The following MYLK4 variants were observed in gnomAD, a reference collection of about 807,000 sequenced individuals.
The protein encoded by MYLK4 is myosin light chain kinase family member 4.
In MYLK4, 46 loss-of-function variants were observed where a neutral mutation model predicts 48.1. The ratio of observed to expected loss-of-function variants is 0.96; its 90% confidence interval spans 0.75 to 1.22. The LOEUF (loss-of-function observed/expected upper bound fraction) is 1.22. Ranked by LOEUF, MYLK4 falls within the 50% of genes most tolerant of loss-of-function variation. The pLI is 0.00. For missense variants in MYLK4, 451 were observed against 486.1 expected, an observed-to-expected ratio of 0.93 and a Z score of 0.68; for synonymous variants, 170 against 180.8, an observed-to-expected ratio of 0.94 and a Z score of 0.48.
At position 2,706,571 on chromosome 6, in the gene MYLK4, G is replaced by A. The variant is rs562261389; in HGVS notation, c.160-13712C>T. ...TAGATATAATAATGGACAAGATTAT[G>A]AAAACTGTATTAGCACCTGTGGTAT... On this transcript the variant is annotated intron_variant, in intron 2 of 12. Coordinates refer to ENST00000274643, the MANE Select transcript of MYLK4 (RefSeq NM_001012418.5). Among the ~76,000 whole-genome samples, 6 of 152,256 alleles carry A rather than the reference G, an allele frequency of 3.9e-5. 1 individual carries two copies. The South Asian group carries it at 1.2e-3, about 32-fold the overall frequency.
intron 2 of MYLK4, among the ~76,000 whole-genome samples, chr6:2,737,434 G>T (rs910074614): frequency 1.3e-5 from 2 of 152,170 alleles, no homozygotes; most frequent in Admixed American, 1.3e-4. Context: ...ATTCTTGCTG[G>T]ACTGGATGAA....
In MYLK4 at chr6:2,685,626, G is replaced by T; in HGVS notation, c.342-50C>A. 2 of 1,548,214 alleles carry T rather than the reference G, an allele frequency of 1.3e-6. No homozygotes were observed. The highest frequency in any genetic ancestry group is 1.1e-5 in the South Asian group (1 of 89,320). ...GCATGAGGCCCTGTGGTCAGCTGCC[G>T]AGTGGACAGCGCACAGTGGCCCCAG... On this transcript the variant is annotated intron_variant, in intron 4 of 12. Coordinates refer to ENST00000274643, the MANE Select transcript of MYLK4 (RefSeq NM_001012418.5). This position sits in a 1 kb window ranked among gnomAD's most constrained non-coding sequence, Gnocchi z 4.5.
intron 10 of MYLK4, among the ~76,000 whole-genome samples, chr6:2,677,478 C>G (rs923578256): frequency 4.2e-4 from 64 of 152,214 alleles, no homozygotes; most frequent in African/African-American, 1.5e-3. Flanking sequence ...TTATACGGCT[C>G]AGGTATAAAG....
intron 2 of MYLK4, among the ~76,000 whole-genome samples, chr6:2,737,016 C>A (rs1174478594): frequency 6.6e-6 from 1 of 152,236 alleles, no homozygotes; most frequent in Non-Finnish European, 1.5e-5. Flanking sequence ...TTCTACGAAG[C>A]CTATGTTGCT....
intron 2 of MYLK4, among the ~76,000 whole-genome samples, chr6:2,708,551 CT>C (rs1762570590): frequency 6.6e-6 from 1 of 152,324 alleles, no homozygotes; most frequent in Admixed American, 6.5e-5. Flanking sequence ...AACTGTTAGT[CT>C]CAGGCAGCCC....
intron 1 of MYLK4, among the ~76,000 whole-genome samples, chr6:2,750,492 C>G (rs1764257868): frequency 6.6e-6 from 1 of 152,158 alleles, no homozygotes; most frequent in Admixed American, 6.5e-5. Flanking sequence ...AAATGCATGG[C>G]TATTTCTAAG....
intron 2 of MYLK4, among the ~76,000 whole-genome samples, chr6:2,709,583 C>T (rs947624585): frequency 1.3e-5 from 2 of 152,228 alleles, no homozygotes; most frequent in African/African-American, 4.8e-5. Flanking sequence ...CACATGGCAA[C>T]CCAGAGAAAC....
At chr6:2,736,721 A>G (rs1291516943) in intron 2 of MYLK4, among the ~76,000 whole-genome samples, 1 of 152,220 alleles carries the variant, frequency 6.6e-6, no homozygotes, top group Non-Finnish European at 1.5e-5. Context: ...TCTCAGGGGA[A>G]AAGGACAGAA....
the MYLK4 span, among the ~76,000 whole-genome samples, chr6:2,764,981 A>G: frequency 2.6e-5 from 4 of 151,656 alleles, no homozygotes; most frequent in Non-Finnish European, 5.9e-5. Context: ...GTTACAAACG[A>G]CCCGCTGCGG....
the MYLK4 span, among the ~76,000 whole-genome samples, chr6:2,765,237 T>G: frequency 8.3e-6 from 1 of 119,938 alleles, no homozygotes; most frequent in African/African-American, 3.2e-5. Context: ...GAGTCGGAAA[T>G]GGACGCACGG....
At chr6:2,731,581 T>A (rs1002234272) in intron 2 of MYLK4, among the ~76,000 whole-genome samples, 2 of 152,012 alleles carry the variant, frequency 1.3e-5, no homozygotes, top group Non-Finnish European at 2.9e-5. Flanking sequence ...TAGATAAAAT[T>A]CCCCTGCTCT....
chr6:2,663,781 CTTTT>C lies in MYLK4; in HGVS notation c.*4140_*4143del, dbSNP rs1760537003. The C allele has an allele frequency of 6.6e-6, 1 of 152,494 alleles. No homozygotes were observed. Among genetic ancestry groups the C allele is most frequent in the Non-Finnish European group, 1.5e-5 (1 of 68,020 alleles). The allele number at this position is 152,494 out of a possible 1,614,324, so 9.4% of individuals were successfully genotyped here. A position where few individuals can be genotyped will look rare whatever the true frequency, so the allele number is the denominator to read the frequency against. On this transcript the variant is annotated 3_prime_UTR_variant, in exon 13 of 13. Coordinates refer to ENST00000274643, the MANE Select transcript of MYLK4 (RefSeq NM_001012418.5). ...AGACACAATCACCACGTTATGAATC[CTTTT>C]TTTAATTTCTTATCAACACCAATAA...
intron 2 of MYLK4, among the ~76,000 whole-genome samples, chr6:2,738,563 G>C (rs967685663): frequency 6.6e-6 from 1 of 152,204 alleles, no homozygotes; most frequent in Non-Finnish European, 1.5e-5. Flanking sequence ...AGTAACTTTT[G>C]CAGCTTTTCC....
intron 2 of MYLK4, among the ~76,000 whole-genome samples, chr6:2,730,262 C>T (rs1763430682): frequency 6.6e-6 from 1 of 152,224 alleles, no homozygotes; most frequent in Admixed American, 6.5e-5. Context: ...AGAAGGATAT[C>T]CCTCCCAATC....
chr6:2,712,786 A>T (rs908298282), intron 2 of MYLK4, among the ~76,000 whole-genome samples: 1 of 152,152 alleles, frequency 6.6e-6, no homozygotes, highest in Non-Finnish European at 1.5e-5. Context: ...GCCCCCACTC[A>T]ACAGAGTACC....
chr6:2,699,215 T>G (rs1361618489), intron 2 of MYLK4, among the ~76,000 whole-genome samples: 3 of 151,866 alleles, frequency 2.0e-5, no homozygotes, highest in African/African-American at 7.3e-5. Context: ...CGGATAATTT[T>G]ACTTTATTTT....
At chr6:2,741,185 G>A (rs1340669345) in intron 2 of MYLK4, among the ~76,000 whole-genome samples, 1 of 152,074 alleles carries the variant, frequency 6.6e-6, no homozygotes, top group Non-Finnish European at 1.5e-5. Context: ...AAAGATCTGG[G>A]AAACTAATAG....
At chr6:2,670,088 A>C (rs6596892) in intron 12 of MYLK4, among the ~76,000 whole-genome samples, 2 of 152,192 alleles carry the variant, frequency 1.3e-5, no homozygotes, top group Admixed American at 6.5e-5. Flanking sequence ...AGACCAGGCC[A>C]GGCCCGGTGG....
intron 2 of MYLK4, among the ~76,000 whole-genome samples, chr6:2,713,741 G>A (rs1201154277): frequency 6.6e-6 from 1 of 152,162 alleles, no homozygotes; most frequent in East Asian, 1.9e-4. Context: ...AGGGCCAGGT[G>A]GTACAGCCAG....
Sources: allele counts gnomAD v4.1 joint callset (sites outside exome capture counted in the v4.1 genomes callset), GRCh38; gene constraint gnomAD v4.1.1; non-coding constraint Gnocchi (gnomAD v3.1); transcripts MANE v1.5; gene names NCBI Gene and HGNC (gene_info 2026-07-23, HGNC 2026-07-21).